Variants in TARS3 observed in about 807,000 individuals in gnomAD.
TARS3 encodes the protein threonyl-tRNA synthetase 3.
TARS3 carries 94 observed loss-of-function variants against 103.5 expected under a neutral mutation model. The ratio of observed to expected loss-of-function variants is 0.91; its 90% CI spans 0.77 to 1.08. The LOEUF is 1.08. Among genes scored for constraint, TARS3 ranks in the 50% least tolerant of loss-of-function variants. The probability of loss-of-function intolerance (pLI) is 0.00; values close to 1 mark genes in which losing one functional copy is unlikely to be tolerated. For missense variants in TARS3, 952 were observed against 995.2 expected, an observed-to-expected ratio of 0.96 and a Z score of 0.58; for synonymous variants, 416 against 355.4, an observed-to-expected ratio of 1.17 and a Z score of -1.92.
chr15:101,699,986 T>C (rs796647509), intron 10 of TARS3, among the ~76,000 whole-genome samples: 1 of 152,152 alleles, frequency 6.6e-6, no homozygotes, highest in Non-Finnish European at 1.5e-5. Context: ...AGCCATCAGT[T>C]TGCAAGAATC....
chr15:101,719,999 T>G (rs897870950), intron 3 of TARS3, among the ~76,000 whole-genome samples: 1 of 147,702 alleles, frequency 6.8e-6, no homozygotes, highest in Admixed American at 6.6e-5. Flanking sequence ...GGACTACACT[T>G]TGAGAAATAC....
chr15:101,707,277 C>T (rs756639987), intron 6 of TARS3, among the ~76,000 whole-genome samples: 4 of 152,138 alleles, frequency 2.6e-5, no homozygotes, highest in Non-Finnish European at 4.4e-5. Flanking sequence ...AACGGTATGG[C>T]GAGTTCTCGA....
chr15:101,700,428 G>C lies in TARS3; in HGVS notation c.1320+658C>G, dbSNP rs561034011. 2.0e-5 allele frequency among the ~76,000 whole-genome samples: 3 copies of C among 152,316 alleles called. No homozygotes were observed. In the South Asian group the frequency reaches 6.2e-4, roughly 32 times the overall value. Reference sequence around the variant, plus strand: ...CATGGAGCACATTTGGAGAAGCAATGCTTCATGGCTTAACACTCTGTACCA... The same window carrying C: ...CATGGAGCACATTTGGAGAAGCAATCCTTCATGGCTTAACACTCTGTACCA... On this transcript the variant is annotated intron_variant, in intron 10 of 18. Transcript: ENST00000335968.
At chr15:101,703,571 C>T (rs373074289) in intron 8 of TARS3, among the ~76,000 whole-genome samples, 1 of 151,890 alleles carries the variant, frequency 6.6e-6, no homozygotes, top group Non-Finnish European at 1.5e-5. Flanking sequence ...GCCTGGACAA[C>T]AGAGCAAGAC....
Position 101,654,431 on chromosome 15 carries a change from T to C in TARS3, c.*151A>G. The C allele has an allele frequency of 1.3e-6, 1 of 784,598 alleles. No individual in the cohort carries two copies. The highest frequency in any genetic ancestry group is 3.5e-5 in the Admixed American group (1 of 28,684). 48.6% of individuals were successfully genotyped at this position (784,598 alleles called of 1,614,324 possible). A position where few individuals can be genotyped will look rare whatever the true frequency, so the allele number is the denominator to read the frequency against. On this transcript the variant is annotated 3_prime_UTR_variant, in exon 19 of 19. Coordinates refer to ENST00000335968, the MANE Select transcript of TARS3 (RefSeq NM_152334.3). ...ATGAGTAAATTAAACTTCGTGCATGTCAGCTACACGTTCATCGTCTCCTTT... is the reference window on the plus strand; with the variant it reads ...ATGAGTAAATTAAACTTCGTGCATGCCAGCTACACGTTCATCGTCTCCTTT...
At chr15:101,677,111 C>G (rs115771531) in intron 12 of TARS3, among the ~76,000 whole-genome samples, 2 of 152,140 alleles carry the variant, frequency 1.3e-5, no homozygotes, top group Non-Finnish European at 2.9e-5. Context: ...CTTGTGATGG[C>G]TACTTTTAAG....
chr15:101,678,351 T>C (rs887463281), intron 12 of TARS3, among the ~76,000 whole-genome samples: 1 of 152,234 alleles, frequency 6.6e-6, no homozygotes, highest in African/African-American at 2.4e-5. Flanking sequence ...CTTAATATGT[T>C]AGGGCTTTAC....
chr15:101,689,814 A>C (rs1356283728), intron 10 of TARS3, among the ~76,000 whole-genome samples: 8 of 152,148 alleles, frequency 5.3e-5, no homozygotes, highest in Non-Finnish European at 1.0e-4. Flanking sequence ...TTGTTATAAT[A>C]CCCTAGGAAA....
At chr15:101,720,158 C>G (rs967775437) in intron 3 of TARS3, among the ~76,000 whole-genome samples, 1 of 152,142 alleles carries the variant, frequency 6.6e-6, no homozygotes, top group Non-Finnish European at 1.5e-5. Flanking sequence ...TAGGATGAAT[C>G]AGAAATACAA....
chr15:101,689,254 T>C (rs7168282), intron 10 of TARS3, among the ~76,000 whole-genome samples: 46,625 of 151,974 alleles, frequency 0.31, 7,939 homozygotes, highest in East Asian at 0.69. Flanking sequence ...GAGCCTTTGA[T>C]ATCAACACAT....
chr15:101,723,578 C>T (rs560241731), intron 1 of TARS3, among the ~76,000 whole-genome samples: 1 of 152,094 alleles, frequency 6.6e-6, no homozygotes, highest in Non-Finnish European at 1.5e-5. Context: ...GATAATTTAT[C>T]CTTTCTACAA....
At chr15:101,708,706 G>A in intron 6 of TARS3, 87 bp downstream of exon 6, 1 of 900,880 alleles carries the variant, frequency 1.1e-6, no homozygotes, top group Non-Finnish European at 1.8e-6. Flanking sequence ...GTGAGCAACA[G>A]GTAATTATTT....
chr15:101,662,591 T>TGGTTG (rs1194667110), intron 15 of TARS3, among the ~76,000 whole-genome samples: 1 of 152,220 alleles, frequency 6.6e-6, no homozygotes, highest in Non-Finnish European at 1.5e-5. Context: ...CTAAGAGCCA[T>TGGTTG]TATAGAATAA....
At chr15:101,669,671 G>T (rs1897720666) in intron 15 of TARS3, among the ~76,000 whole-genome samples, 1 of 152,130 alleles carries the variant, frequency 6.6e-6, no homozygotes, top group South Asian at 2.1e-4. Flanking sequence ...TTACCACTGT[G>T]TTACAGTTGC....
chr15:101,724,353 GC>G lies in TARS3; in HGVS notation c.34del (p.Ala12ArgfsTer21). ...AAEALAAEAV[A>X]SRLERQEEDI... ...CTCCTCCTGCCGCTCCAGGCGCGAC[GC>G]CACGGCCTCCGCCGCCAGGGCCTCG... On this transcript the variant is annotated frameshift_variant, in exon 1 of 19. Coordinates refer to ENST00000335968, the MANE Select transcript of TARS3 (RefSeq NM_152334.3). LOFTEE classifies it high-confidence loss of function. 6.5e-7 allele frequency: 1 copy of G among 1,545,746 alleles called. No homozygotes were observed.
chr15:101,713,771 T>C (rs576765900), intron 4 of TARS3, among the ~76,000 whole-genome samples: 1 of 152,198 alleles, frequency 6.6e-6, no homozygotes, highest in Non-Finnish European at 1.5e-5. Flanking sequence ...AATATCTACA[T>C]GCAGATATCA....
Position 101,702,339 on chromosome 15 carries a change from T to C in TARS3, c.1121A>G (p.Gln374Arg). The change falls in exon 9 of 19, where the codon CAG (glutamine) becomes CGG (arginine). Residue 374 changes from glutamine (Q) to arginine (R), a missense_variant. Transcript: ENST00000335968. ...WEGNPEMETL[Q>R]RIYGISFPDN... The stretch of plus-strand genomic sequence containing the variant: ...AGGAAAGGATATTCCATAGATCCTC[T>C]GCAATGTTTCCATTTCCGGATTGCC... 2 of 1,614,092 alleles carry C rather than the reference T, an allele frequency of 1.2e-6. No homozygotes were observed. The highest frequency in any genetic ancestry group is 2.2e-5 in the East Asian group (1 of 44,874).
At chr15:101,681,413 G>A (rs1355845088) in intron 12 of TARS3, among the ~76,000 whole-genome samples, 1 of 152,124 alleles carries the variant, frequency 6.6e-6, no homozygotes, top group Admixed American at 6.5e-5. Context: ...CACGAACAAG[G>A]TATATTTCAT....
At chr15:101,687,336 G>A (rs1332335939) in intron 10 of TARS3, among the ~76,000 whole-genome samples, 1 of 152,212 alleles carries the variant, frequency 6.6e-6, no homozygotes, top group East Asian at 1.9e-4. Context: ...CCAGGAGGCA[G>A]AGGTTGCAGT....
Sources: allele counts gnomAD v4.1 joint callset (sites outside exome capture counted in the v4.1 genomes callset), GRCh38; gene constraint gnomAD v4.1.1; transcripts MANE v1.5; gene names NCBI Gene and HGNC (gene_info 2026-07-23, HGNC 2026-07-21).